The following STK3 variants were observed in gnomAD, a reference collection of about 807,000 sequenced individuals.
The protein encoded by STK3 is serine/threonine-protein kinase 3.
Under a neutral mutation model 58.0 loss-of-function variants are expected in STK3, and 41 were observed. The observed-to-expected ratio is 0.71, with a 90% confidence interval of 0.55 to 0.92. The LOEUF (loss-of-function observed/expected upper bound fraction) is 0.92, where lower values mean the gene tolerates loss of function less well. Among genes scored for constraint, STK3 ranks in the 40% least tolerant of loss-of-function variants. The probability of loss-of-function intolerance (pLI) is 0.00; values close to 1 mark genes in which losing one functional copy is unlikely to be tolerated. For synonymous variants in STK3, 170 were observed against 191.0 expected, an observed-to-expected ratio of 0.89 and a Z score of 0.91; for missense variants, 479 against 602.7, an observed-to-expected ratio of 0.79 and a Z score of 2.15.
chr8:98,375,250 G>C (rs1412030553), intron 2 of STK3, among the ~76,000 whole-genome samples: 1 of 119,512 alleles, frequency 8.4e-6, no homozygotes, highest in Non-Finnish European at 1.7e-5. Flanking sequence ...GCAAGAAGCT[G>C]TTTCCAAAAC....
chr8:98,747,695 G>C (rs897316770), intron 4 of STK3, among the ~76,000 whole-genome samples: 2 of 152,142 alleles, frequency 1.3e-5, no homozygotes, highest in African/African-American at 4.8e-5. Flanking sequence ...AGACTTAATA[G>C]GAGCTGTCAT....
intron 3 of STK3, chr8:98,413,601 A>G (rs1034272462): frequency 8.6e-6 from 6 of 697,734 alleles, no homozygotes; most frequent in Admixed American, 3.7e-5. Context: ...AGTTGTTTCA[A>G]TTTGTTGGAT....
intron 1 of STK3, among the ~76,000 whole-genome samples, chr8:98,924,762 T>G (rs565427647): frequency 6.6e-6 from 1 of 152,144 alleles, no homozygotes; most frequent in Admixed American, 6.5e-5. Flanking sequence ...TAAAAGGAGG[T>G]AAACTCAGTA....
At chr8:98,869,817 T>C (rs1837301081) in intron 3 of STK3, among the ~76,000 whole-genome samples, 1 of 151,814 alleles carries the variant, frequency 6.6e-6, no homozygotes, top group Non-Finnish European at 1.5e-5. Context: ...TTTTTTTCTT[T>C]GCTTTGGGAT....
chr8:98,861,404 G>A (rs1836933282), intron 3 of STK3, among the ~76,000 whole-genome samples: 1 of 140,014 alleles, frequency 7.1e-6, no homozygotes, highest in Non-Finnish European at 1.5e-5. Flanking sequence ...CTGGGGTGCA[G>A]TGGTGCTATC....
chr8:98,770,986 A>G (rs1831283615), intron 2 of STK3, among the ~76,000 whole-genome samples: 1 of 149,642 alleles, frequency 6.7e-6, no homozygotes, highest in African/African-American at 2.6e-5. Flanking sequence ...ACAGTGTTTA[A>G]TACAGTGGAA....
intron 6 of STK3, among the ~76,000 whole-genome samples, chr8:98,702,211 T>C (rs1351730876): frequency 6.6e-6 from 1 of 152,188 alleles, no homozygotes; most frequent in African/African-American, 2.4e-5. Flanking sequence ...TCCTTGAACA[T>C]CTATATTCCA....
At chr8:98,825,952 T>C (rs1835274887), upstream of STK3, among the ~76,000 whole-genome samples, 1 of 147,980 alleles carries the variant, frequency 6.8e-6, no homozygotes, top group Non-Finnish European at 1.5e-5. Context: ...GGGCGGAGCC[T>C]GCCGCGGCCT....
At chr8:98,482,771 A>T (rs1821952608) in intron 10 of STK3, among the ~76,000 whole-genome samples, 1 of 152,132 alleles carries the variant, frequency 6.6e-6, no homozygotes, top group South Asian at 2.1e-4. Context: ...TTCCCTGGGT[A>T]GAAGTTATGT....
intron 6 of STK3, among the ~76,000 whole-genome samples, chr8:98,613,210 C>T (rs1193482812): frequency 1.3e-5 from 2 of 152,146 alleles, no homozygotes; most frequent in Admixed American, 1.3e-4. Context: ...GATGAGCTCC[C>T]TTCCCCTCTT....
intron 1 of STK3, among the ~76,000 whole-genome samples, chr8:98,380,657 C>A (rs537176522): frequency 3.3e-5 from 5 of 152,234 alleles, no homozygotes; most frequent in South Asian, 2.1e-4. Context: ...TTTCCTCAGA[C>A]CCTCACTAGT....
At chr8:98,630,769 A>G (rs1189992383) in intron 6 of STK3, among the ~76,000 whole-genome samples, 1 of 151,184 alleles carries the variant, frequency 6.6e-6, no homozygotes, top group Non-Finnish European at 1.5e-5. Context: ...GAAGAACAAG[A>G]AGAAGAAGAG....
At chr8:98,648,622 G>C (rs1414462055) in intron 6 of STK3, among the ~76,000 whole-genome samples, 1 of 152,180 alleles carries the variant, frequency 6.6e-6, no homozygotes, top group African/African-American at 2.4e-5. Flanking sequence ...GCCAGGCACA[G>C]TGGCTCAAGC....
At chr8:98,456,483 C>T (rs551112245) in intron 10 of STK3, among the ~76,000 whole-genome samples, 1 of 152,290 alleles carries the variant, frequency 6.6e-6, no homozygotes, top group South Asian at 2.1e-4. Context: ...TTACTAAATG[C>T]TTAATAAAGA....
intron 3 of STK3, among the ~76,000 whole-genome samples, chr8:98,411,128 T>C (rs1818051524): frequency 6.6e-6 from 1 of 152,224 alleles, no homozygotes; most frequent in Non-Finnish European, 1.5e-5. Flanking sequence ...CTCATGGCCT[T>C]TTCAGCTCTT....
the STK3 span, among the ~76,000 whole-genome samples, chr8:98,349,022 G>A: frequency 1.3e-5 from 2 of 152,224 alleles, no homozygotes; most frequent in African/African-American, 4.8e-5. Context: ...TTCAGTAGGT[G>A]AATGGATAAA....
chr8:98,900,798 A>G (rs534143482), intron 1 of STK3, among the ~76,000 whole-genome samples: 1 of 151,684 alleles, frequency 6.6e-6, no homozygotes, highest in East Asian at 1.9e-4. Flanking sequence ...AGTAGCTGGG[A>G]TTACAGGTGC....
chr8:98,795,772 A>T (rs1239222195), intron 1 of STK3, among the ~76,000 whole-genome samples: 1 of 151,980 alleles, frequency 6.6e-6, no homozygotes. Context: ...AGTCAAGAAC[A>T]CGATCCCATT....
intron 1 of STK3, among the ~76,000 whole-genome samples, chr8:98,907,615 C>A (rs1333170147): frequency 6.6e-6 from 1 of 152,166 alleles, no homozygotes; most frequent in Non-Finnish European, 1.5e-5. Context: ...TGTTTTTAAG[C>A]AAATCCCAGA....
Sources: allele counts gnomAD v4.1 joint callset (sites outside exome capture counted in the v4.1 genomes callset), GRCh38; gene constraint gnomAD v4.1.1; transcripts MANE v1.5; gene names NCBI Gene and HGNC (gene_info 2026-07-23, HGNC 2026-07-21).